Variants in WDR25 observed in about 807,000 individuals in gnomAD.
The protein encoded by WDR25 is WD repeat-containing protein 25.
Under a neutral mutation model 47.7 loss-of-function variants are expected in WDR25, and 35 were observed. That is an observed-to-expected ratio of 0.73 (90% CI 0.56 to 0.97). The LOEUF (loss-of-function observed/expected upper bound fraction) is 0.97, where lower values mean the gene tolerates loss of function less well. Among genes scored for constraint, WDR25 ranks in the 50% least tolerant of loss-of-function variants. The pLI, the probability that WDR25 is intolerant of heterozygous loss-of-function variation, is 0.00. For synonymous variants in WDR25, 248 were observed against 278.9 expected, an observed-to-expected ratio of 0.89 and a Z score of 1.10; for missense variants, 634 against 704.7, an observed-to-expected ratio of 0.90 and a Z score of 1.14.
chr14:100,431,624 G>A (rs1463805232), intron 2 of WDR25, among the ~76,000 whole-genome samples: 3 of 150,754 alleles, frequency 2.0e-5, no homozygotes, highest in African/African-American at 7.3e-5. Flanking sequence ...TCTGCTCACT[G>A]CAACCTCCGA....
At chr14:100,433,873 C>T (rs1397033324) in intron 2 of WDR25, among the ~76,000 whole-genome samples, 1 of 152,120 alleles carries the variant, frequency 6.6e-6, no homozygotes, top group Non-Finnish European at 1.5e-5. Flanking sequence ...CTGCCCCAGT[C>T]CTAGAATCAG....
intron 2 of WDR25, among the ~76,000 whole-genome samples, chr14:100,465,264 A>C (rs1322887401): frequency 6.6e-6 from 1 of 152,202 alleles, no homozygotes; most frequent in Non-Finnish European, 1.5e-5. Flanking sequence ...CAGTGGCATT[A>C]AGCACATTCA....
At position 100,471,709 on chromosome 14, in the gene WDR25, C is replaced by T. The variant is rs544304609; in HGVS notation, c.970+3541C>T. 4.6e-5 allele frequency among the ~76,000 whole-genome samples: 7 copies of T among 152,300 alleles called. No individual in the cohort carries two copies. In the South Asian group the frequency reaches 8.3e-4, roughly 18 times the overall value. ...CGCCAAGGCCATTTATCCTGGTGTC[C>T]TCAATCAATACAGTTAAAAATCTGT... On this transcript the variant is annotated intron_variant, in intron 3 of 6. Coordinates refer to ENST00000402312, the MANE Select transcript of WDR25 (RefSeq NM_001161476.3).
chr14:100,479,987 G>A (rs1900147018), intron 3 of WDR25, among the ~76,000 whole-genome samples: 1 of 152,328 alleles, frequency 6.6e-6, no homozygotes, highest in African/African-American at 2.4e-5. Context: ...CGCAACCCCT[G>A]GTTCATGGAA....
At chr14:100,414,397 C>T (rs1212717726) in intron 2 of WDR25, among the ~76,000 whole-genome samples, 1 of 150,516 alleles carries the variant, frequency 6.6e-6, no homozygotes, top group Non-Finnish European at 1.5e-5. Context: ...ACTGCAGCCT[C>T]CGCCTCCCAG....
intron 1 of WDR25, 115 bp from the exon 2 acceptor site, chr14:100,380,795 G>C: frequency 9.8e-7 from 1 of 1,023,152 alleles, no homozygotes; most frequent in Non-Finnish European, 1.4e-6. Flanking sequence ...CGCCTGGCCT[G>C]TGTTTATTCT....
Position 100,507,165 on chromosome 14 carries a change from T to C in WDR25, c.1102-18705T>C, listed in dbSNP as rs146684007. 4.9e-3 allele frequency among the ~76,000 whole-genome samples: 750 copies of C among 152,342 alleles called. 11 individuals are homozygous for C. The highest frequency in any genetic ancestry group is 0.017 in the African/African-American group (727 of 41,582). ...AGCACCATTTATTGCAAAGGGAATC[T>C]TTTCCCCATTGCTTATTTTGGTTGA... On this transcript the variant is annotated intron_variant, in intron 4 of 6. Coordinates refer to ENST00000402312, the MANE Select transcript of WDR25 (RefSeq NM_001161476.3).
intron 1 of WDR25, 143 bp downstream of exon 1, chr14:100,376,638 G>T (rs1381567713): frequency 1.6e-6 from 2 of 1,231,750 alleles, no homozygotes; most frequent in African/African-American, 3.1e-5. Flanking sequence ...CTGTGCCTTG[G>T]ACCAACCTTA....
chr14:100,494,723 G>C (rs1484715043), intron 4 of WDR25, among the ~76,000 whole-genome samples: 2 of 152,230 alleles, frequency 1.3e-5, no homozygotes, highest in Non-Finnish European at 2.9e-5. Context: ...CCACATAGAA[G>C]GCTAGAGGGG....
intron 2 of WDR25, among the ~76,000 whole-genome samples, chr14:100,414,434 T>A (rs1897809456): frequency 6.7e-6 from 1 of 150,048 alleles, no homozygotes; most frequent in Non-Finnish European, 1.5e-5. Flanking sequence ...TGTCTCAGCC[T>A]CCCGAGTAGC....
At position 100,449,790 on chromosome 14, in the gene WDR25, C is replaced by A. The variant is rs537769057; in HGVS notation, c.823-18231C>A. On this transcript the variant is annotated intron_variant, in intron 2 of 6. Coordinates refer to ENST00000402312, the MANE Select transcript of WDR25 (RefSeq NM_001161476.3). This position sits in a 1 kb window ranked among gnomAD's most constrained non-coding sequence, Gnocchi z 4.2. ...CACTTGTAGAGGTGGCACCATCATG[C>A]GGTCATAGGATGAGACGTCCCAGGT... is the stretch of plus-strand genomic sequence containing the variant. 3.3e-5 allele frequency among the ~76,000 whole-genome samples: 5 copies of A among 152,154 alleles called. No individual in the cohort carries two copies. The highest frequency in any genetic ancestry group is 1.2e-4 in the African/African-American group (5 of 41,434).
At chr14:100,401,733 C>G (rs1897388217) in intron 2 of WDR25, among the ~76,000 whole-genome samples, 1 of 152,192 alleles carries the variant, frequency 6.6e-6, no homozygotes, top group South Asian at 2.1e-4. Flanking sequence ...TACCAGAGAG[C>G]CTGAGAGGCA....
Position 100,463,745 on chromosome 14 carries a change from CCCCTTCTGCAGGCTGA to C in WDR25, c.823-4272_823-4257del, listed in dbSNP as rs1899507860. ...CCAGGTCCTCCTTCCCTCAAACTTA[CCCCTTCTGCAGGCTGA>C]CCCATCCCTGCAACTCCACCCCTTT... is the stretch of plus-strand genomic sequence containing the variant. On this transcript the variant is annotated intron_variant, in intron 2 of 6. Transcript: ENST00000402312. Among the ~76,000 whole-genome samples the C allele has an allele frequency of 3.9e-5, 6 of 152,296 alleles. No individual in the cohort carries two copies. The South Asian group carries it at 1.2e-3, about 32-fold the overall frequency.
chr14:100,430,595 G>A lies in WDR25; in HGVS notation c.823-37426G>A, dbSNP rs961294411. ...AATGGCTTCATGTACTGATAACCTC[G>A]TACCTTATGCCAGGCAGGACTGTGG... is the stretch of plus-strand genomic sequence containing the variant. On this transcript the variant is annotated intron_variant, in intron 2 of 6. Transcript: ENST00000402312. The surrounding 1 kb of genome is among the most constrained non-coding windows in gnomAD (Gnocchi z 4.7). Among the ~76,000 whole-genome samples the A allele has an allele frequency of 7.2e-5, 11 of 152,230 alleles. No individual in the cohort carries two copies. Among genetic ancestry groups the A allele is most frequent in the African/African-American group, 2.4e-4 (10 of 41,530 alleles).
At chr14:100,422,545 ATCCTTG>A in intron 2 of WDR25, among the ~76,000 whole-genome samples, 1 of 152,262 alleles carries the variant, frequency 6.6e-6, no homozygotes, top group Non-Finnish European at 1.5e-5. Flanking sequence ...ATAGATGTAC[ATCCTTG>A]TACACCCCTG....
chr14:100,449,063 C>T lies in WDR25; in HGVS notation c.823-18958C>T, dbSNP rs765469770. ...AGGCTGGGCAGGTGAGTGGGGCCTC[C>T]GGAGTCAGCCACTGACTTTCCCACT... On this transcript the variant is annotated intron_variant, in intron 2 of 6. Transcript: ENST00000402312. This position sits in a 1 kb window ranked among gnomAD's most constrained non-coding sequence, Gnocchi z 4.2. 9.2e-5 allele frequency among the ~76,000 whole-genome samples: 14 copies of T among 152,114 alleles called. No homozygotes were observed. Among genetic ancestry groups the T allele is most frequent in the Admixed American group, 5.9e-4 (9 of 15,270 alleles).
chr14:100,483,893 G>C, intron 3 of WDR25, 101 bp from the exon 4 acceptor site: 1 of 1,407,206 alleles, frequency 7.1e-7, no homozygotes, highest in Non-Finnish European at 9.5e-7. Context: ...CAGGGGAGCT[G>C]TGTTTGCTAT....
In WDR25 at chr14:100,530,024, A is replaced by G. The variant is rs774692177; in HGVS notation, c.1618A>G (p.Met540Val). ...VLATCSWGGD[M>V]KIWH ...CGCCACCTGCTCCTGGGGAGGGGAC[A>G]TGAAGATCTGGCACTGAGCTTTTTG... Residue 540 changes from methionine to valine, a missense_variant, in exon 7 of 7, where the codon ATG becomes GTG. Coordinates refer to ENST00000402312, the MANE Select transcript of WDR25 (RefSeq NM_001161476.3). The G allele has an allele frequency of 3.1e-6, 5 of 1,612,504 alleles. No homozygotes were observed. The South Asian group carries it at 5.5e-5, about 18-fold the overall frequency.
intron 2 of WDR25, among the ~76,000 whole-genome samples, chr14:100,448,334 G>C (rs1314041496): frequency 6.6e-6 from 1 of 152,190 alleles, no homozygotes; most frequent in Non-Finnish European, 1.5e-5. Context: ...CTGCCAGCAG[G>C]TTGCAGGGCT....
Sources: allele counts gnomAD v4.1 joint callset (sites outside exome capture counted in the v4.1 genomes callset), GRCh38; gene constraint gnomAD v4.1.1; non-coding constraint Gnocchi (gnomAD v3.1); transcripts MANE v1.5; gene names NCBI Gene and HGNC (gene_info 2026-07-23, HGNC 2026-07-21).